The following NAV2 variants were observed in gnomAD, a reference collection of about 807,000 sequenced individuals.
NAV2 encodes neuron navigator 2, also known as helicase, APC down-regulated 1.
A neutral mutation model predicts 223.2 loss-of-function variants in NAV2; 54 were observed. That is an observed-to-expected ratio of 0.24 (90% CI 0.19 to 0.30). The LOEUF (loss-of-function observed/expected upper bound fraction) is 0.30. NAV2 is among the 10% of genes least tolerant of loss of function. The pLI, the probability that NAV2 is intolerant of heterozygous loss-of-function variation, is 1.00. For missense variants in NAV2, 2,806 were observed against 3,147.5 expected, an observed-to-expected ratio of 0.89 and a Z score of 2.60; for synonymous variants, 1,279 against 1,239.3, an observed-to-expected ratio of 1.03 and a Z score of -0.67.
In NAV2 at chr11:20,107,782, G is replaced by A. The variant is rs1319192545; in HGVS notation, c.6960G>A (p.Gln2320=). 3.7e-6 allele frequency: 6 copies of A among 1,604,588 alleles called. No homozygotes were observed. The highest frequency in any genetic ancestry group is 3.3e-5 in the Admixed American group (2 of 60,022). The change falls in exon 36 of 38, where the codon CAG becomes CAA. Residue 2320 remains glutamine, a splice_region_variant and synonymous_variant. Transcript: ENST00000349880. ...TGGAAGCCGTCAGAGAAGGACTCCA[G>A]GTGAGAAGACACCCCTGCTGGCTTC... is the stretch of plus-strand genomic sequence containing the variant. ...YLLEAVREGL[Q]LYGRRAPWED... is the part of the protein sequence containing the mutation.
chr11:19,547,715 C>T (rs965085000), intron 1 of NAV2, among the ~76,000 whole-genome samples: 1 of 152,156 alleles, frequency 6.6e-6, no homozygotes, highest in Non-Finnish European at 1.5e-5. Flanking sequence ...CTTCCATTCT[C>T]CTGAGCTCTA....
chr11:19,679,870 C>CA (rs2048831248), intron 1 of NAV2, among the ~76,000 whole-genome samples: 2 of 152,164 alleles, frequency 1.3e-5, no homozygotes, highest in African/African-American at 4.8e-5. Context: ...ATGTGTGCTC[C>CA]TTAAATACCT....
rs768430058 is a variant in NAV2 at position 20,103,451 on chromosome 11, T to C, written c.6572+42T>C. The C allele has an allele frequency of 3.4e-5, 55 of 1,594,740 alleles. 1 individual carries two copies. The highest frequency in any genetic ancestry group is 3.6e-5 in the Non-Finnish European group (42 of 1,168,994). On this transcript the variant is annotated intron_variant, in intron 33 of 37. Transcript: ENST00000349880. Reference sequence around the variant, plus strand: ...GACCTCATAGCCCCCCGGGAGAGAGTGCTGCCAGCTGATGGGGCACTGTGC... The same window carrying C: ...GACCTCATAGCCCCCCGGGAGAGAGCGCTGCCAGCTGATGGGGCACTGTGC...
intron 1 of NAV2, among the ~76,000 whole-genome samples, chr11:19,371,953 T>A (rs1249654057): frequency 6.6e-6 from 1 of 151,816 alleles, no homozygotes; most frequent in Non-Finnish European, 1.5e-5. Flanking sequence ...AATTTTTGTA[T>A]TTTTTAGTAG....
intron 1 of NAV2, among the ~76,000 whole-genome samples, chr11:19,809,897 A>G (rs2058760879): frequency 6.6e-6 from 1 of 152,204 alleles, no homozygotes; most frequent in African/African-American, 2.4e-5. Flanking sequence ...ATCCCATCCT[A>G]TCAGGGTCAT....
intron 1 of NAV2, among the ~76,000 whole-genome samples, chr11:19,354,386 A>G (rs1024255813): frequency 3.3e-5 from 5 of 152,246 alleles, no homozygotes; most frequent in Non-Finnish European, 7.3e-5. Flanking sequence ...TTATTGAGTT[A>G]TAATTAGTTT....
intron 1 of NAV2, among the ~76,000 whole-genome samples, chr11:19,435,980 A>G (rs558505550): frequency 6.6e-5 from 10 of 152,010 alleles, no homozygotes; most frequent in Admixed American, 2.6e-4. Flanking sequence ...CTCCTTATCC[A>G]ATGTATGATT....
At chr11:19,967,944 C>T in intron 10 of NAV2, among the ~76,000 whole-genome samples, 1 of 152,112 alleles carries the variant, frequency 6.6e-6, no homozygotes, top group East Asian at 1.9e-4. Context: ...AGTAGAGGCA[C>T]CAAAGACATT....
At chr11:19,393,384 C>T (rs553677603) in intron 1 of NAV2, among the ~76,000 whole-genome samples, 3 of 152,314 alleles carry the variant, frequency 2.0e-5, no homozygotes, top group Admixed American at 2.0e-4. Context: ...AAGCTTCTGT[C>T]CTCTACTTCA....
chr11:20,039,002 G>GC (rs1472032308), intron 12 of NAV2, among the ~76,000 whole-genome samples: 1 of 152,158 alleles, frequency 6.6e-6, no homozygotes, highest in Non-Finnish European at 1.5e-5. Flanking sequence ...AACGGAGAAT[G>GC]CCCCCCACAG....
At chr11:19,532,293 G>T (rs959029764) in intron 1 of NAV2, among the ~76,000 whole-genome samples, 1 of 152,160 alleles carries the variant, frequency 6.6e-6, no homozygotes, top group Non-Finnish European at 1.5e-5. Flanking sequence ...GTGTGGCATT[G>T]CCCAGAAAGG....
At chr11:19,444,768 T>A (rs914522822) in intron 1 of NAV2, among the ~76,000 whole-genome samples, 4 of 151,742 alleles carry the variant, frequency 2.6e-5, no homozygotes, top group Non-Finnish European at 4.4e-5. Flanking sequence ...AAATATAGAA[T>A]AAGATCTCCC....
At chr11:20,088,513 A>G (rs1248665057) in intron 26 of NAV2, among the ~76,000 whole-genome samples, 1 of 152,180 alleles carries the variant, frequency 6.6e-6, no homozygotes, top group Non-Finnish European at 1.5e-5. Flanking sequence ...GTTATAGGGC[A>G]TCTGTCTCAT....
intron 21 of NAV2, 53 bp downstream of exon 21, chr11:20,068,262 G>C: frequency 6.2e-7 from 1 of 1,610,920 alleles, no homozygotes; most frequent in Non-Finnish European, 8.5e-7. Flanking sequence ...TCAATTATTT[G>C]ACCCTGCTCA....
At chr11:19,447,769 T>A (rs1715145575) in intron 1 of NAV2, among the ~76,000 whole-genome samples, 1 of 152,252 alleles carries the variant, frequency 6.6e-6, no homozygotes, top group East Asian at 1.9e-4. Context: ...GGTTGACTTG[T>A]AAGACGTGCT....
intron 8 of NAV2, among the ~76,000 whole-genome samples, chr11:19,940,410 GA>G (rs1302009657): frequency 6.6e-6 from 1 of 152,168 alleles, no homozygotes; most frequent in Non-Finnish European, 1.5e-5. Context: ...AATTAAAGAA[GA>G]AAAGTCACAC....
chr11:19,500,379 TTTTTAGATACAGAC>T (rs2042927462), intron 1 of NAV2, among the ~76,000 whole-genome samples: 1 of 152,162 alleles, frequency 6.6e-6, no homozygotes, highest in South Asian at 2.1e-4. Context: ...ATACTTCTTG[TTTTTAGATACAGAC>T]TTTTAGGGTA....
chr11:19,414,581 T>A (rs973474954), intron 1 of NAV2, among the ~76,000 whole-genome samples: 2 of 152,212 alleles, frequency 1.3e-5, no homozygotes, highest in Admixed American at 6.5e-5. Flanking sequence ...AACTCAGCTC[T>A]GGACCAAGCA....
At chr11:19,760,418 A>G (rs1197594936) in intron 1 of NAV2, among the ~76,000 whole-genome samples, 2 of 152,164 alleles carry the variant, frequency 1.3e-5, no homozygotes, top group Admixed American at 6.5e-5. Context: ...GTTATTAGTT[A>G]TTTCCCTCCT....
Sources: allele counts gnomAD v4.1 joint callset (sites outside exome capture counted in the v4.1 genomes callset), GRCh38; gene constraint gnomAD v4.1.1; transcripts MANE v1.5; gene names NCBI Gene and HGNC (gene_info 2026-07-23, HGNC 2026-07-21).